Variants in CSMD3 observed in about 807,000 individuals in gnomAD.
The protein encoded by CSMD3 is CUB and Sushi multiple domains 3.
In CSMD3, 177 loss-of-function variants were observed where a neutral mutation model predicts 435.2. The observed-to-expected ratio is 0.41, with a 90% CI of 0.36 to 0.46. The LOEUF (loss-of-function observed/expected upper bound fraction) is 0.46, where lower values mean the gene tolerates loss of function less well. Ranked by LOEUF, CSMD3 falls within the 20% of genes least tolerant of loss-of-function variation. The probability of loss-of-function intolerance (pLI) is 0.34; values close to 1 mark genes in which losing one functional copy is unlikely to be tolerated. For missense variants in CSMD3, 4,265 were observed against 4,504.6 expected, an observed-to-expected ratio of 0.95 and a Z score of 1.52; for synonymous variants, 1,656 against 1,520.5, an observed-to-expected ratio of 1.09 and a Z score of -2.07.
rs555420174 is a variant in CSMD3 at position 112,409,945 on chromosome 8, A to G, written c.5396-913T>C. Among the ~76,000 whole-genome samples the G allele has an allele frequency of 2.4e-4, 37 of 152,144 alleles. No homozygotes were observed. In the East Asian group the frequency reaches 6.9e-3, roughly 29 times the overall value. ...AGAGTATAATTTTAATGAAAATTTAATAATGCCAAAGCAAGGTCACTTTTA... is the reference window on the plus strand; with the variant it reads ...AGAGTATAATTTTAATGAAAATTTAGTAATGCCAAAGCAAGGTCACTTTTA... On this transcript the variant is annotated intron_variant, in intron 32 of 70. Transcript: ENST00000297405.
chr8:112,398,629 T>G (rs767717726), intron 35 of CSMD3, among the ~76,000 whole-genome samples: 1 of 152,148 alleles, frequency 6.6e-6, no homozygotes, highest in Non-Finnish European at 1.5e-5. Context: ...ACTATCCCTA[T>G]GTAGCCAAGC....
intron 10 of CSMD3, among the ~76,000 whole-genome samples, chr8:112,919,164 CAT>C (rs2082658534): frequency 6.6e-6 from 1 of 151,808 alleles, no homozygotes; most frequent in African/African-American, 2.4e-5. Context: ...ATAATATCAA[CAT>C]ATGAATCTTG....
chr8:112,299,934 C>T (rs1045938212), intron 53 of CSMD3, among the ~76,000 whole-genome samples: 2 of 151,408 alleles, frequency 1.3e-5, no homozygotes. Flanking sequence ...AGAACAGAAT[C>T]AAGATTCTAA....
At position 113,194,735 on chromosome 8, in the gene CSMD3, G is replaced by A. The variant is rs148449799; in HGVS notation, c.515-20819C>T. The stretch of plus-strand genomic sequence containing the variant: ...AAAAGTAAAGTTTTTTAAATTTTTC[G>A]AAAAAACCCCTCAAACATAATAGTT... On this transcript the variant is annotated intron_variant, in intron 3 of 70. Transcript: ENST00000297405. Among the ~76,000 whole-genome samples the A allele has an allele frequency of 6.9e-4, 104 of 150,856 alleles. No individual in the cohort carries two copies. In the Middle Eastern group the frequency reaches 0.01, roughly 15 times the overall value.
intron 4 of CSMD3, among the ~76,000 whole-genome samples, chr8:113,158,525 A>T (rs1422394245): frequency 6.6e-6 from 1 of 152,120 alleles, no homozygotes; most frequent in African/African-American, 2.4e-5. Context: ...TTCAGCTTGC[A>T]AGAATTTCTT....
At chr8:113,399,106 T>TATATATATATAC (rs773585004) in intron 1 of CSMD3, among the ~76,000 whole-genome samples, 1,009 of 94,940 alleles carry the variant, frequency 0.011, 18 homozygotes, top group African/African-American at 0.026. Flanking sequence ...TATATATATA[T>TATATATATATAC]ACACACACAC....
intron 35 of CSMD3, among the ~76,000 whole-genome samples, chr8:112,404,622 T>C (rs1383281889): frequency 6.6e-6 from 1 of 152,162 alleles, no homozygotes; most frequent in African/African-American, 2.4e-5. Flanking sequence ...TGTTATTTCA[T>C]AATTTAAAAT....
At chr8:113,264,031 T>C (rs531581428) in intron 3 of CSMD3, among the ~76,000 whole-genome samples, 1 of 151,422 alleles carries the variant, frequency 6.6e-6, no homozygotes, top group African/African-American at 2.4e-5. Flanking sequence ...CTTAAAATGA[T>C]ATAGTAAAAA....
At chr8:113,237,395 G>A (rs1489889270) in intron 3 of CSMD3, among the ~76,000 whole-genome samples, 2 of 152,178 alleles carry the variant, frequency 1.3e-5, no homozygotes, top group African/African-American at 4.8e-5. Flanking sequence ...TTGGTATAAT[G>A]CTCTGAAATT....
At chr8:112,649,631 T>C (rs1024030817) in intron 19 of CSMD3, among the ~76,000 whole-genome samples, 6 of 152,200 alleles carry the variant, frequency 3.9e-5, no homozygotes, top group African/African-American at 4.8e-5. Context: ...TTCTGACTTA[T>C]TCTCATAGAA....
chr8:113,396,507 T>C (rs1053703891), intron 1 of CSMD3, among the ~76,000 whole-genome samples: 5 of 152,154 alleles, frequency 3.3e-5, no homozygotes, highest in African/African-American at 1.2e-4. Flanking sequence ...TAACTTACAT[T>C]CCATTTATTC....
At chr8:112,694,639 A>C (rs2076212238) in intron 13 of CSMD3, among the ~76,000 whole-genome samples, 1 of 152,160 alleles carries the variant, frequency 6.6e-6, no homozygotes, top group Non-Finnish European at 1.5e-5. Context: ...ACATGCACCT[A>C]GTATGTAACA....
At chr8:113,310,166 C>T (rs2093856494) in intron 2 of CSMD3, 3 of 151,986 alleles carry the variant, frequency 2.0e-5, no homozygotes, top group African/African-American at 2.4e-5. Flanking sequence ...TATACTACTA[C>T]GTTGGTTATT....
chr8:112,984,716 C>G (rs1441299589), intron 6 of CSMD3, among the ~76,000 whole-genome samples: 1 of 152,054 alleles, frequency 6.6e-6, no homozygotes, highest in African/African-American at 2.4e-5. Flanking sequence ...AGAGATTCAA[C>G]AAACTACTTC....
chr8:113,126,505 G>A (rs1424978874), intron 4 of CSMD3, among the ~76,000 whole-genome samples: 3 of 151,906 alleles, frequency 2.0e-5, no homozygotes, highest in Admixed American at 2.0e-4. Context: ...TAAAGTTGAT[G>A]TTAAAAGAAT....
At chr8:112,352,662 A>C in intron 38 of CSMD3, 128 bp from the exon 39 acceptor site, 2 of 802,502 alleles carry the variant, frequency 2.5e-6, no homozygotes, top group Admixed American at 3.7e-5. Flanking sequence ...GACGTTGAGA[A>C]CGTTCTGTGA....
intron 48 of CSMD3, 77 bp downstream of exon 48, chr8:112,314,352 A>G: frequency 9.3e-7 from 1 of 1,078,448 alleles, no homozygotes; most frequent in Non-Finnish European, 1.4e-6. Flanking sequence ...GCAGCTGTTT[A>G]TACTCAAAGT....
At chr8:112,265,345 G>A (rs1358172806) in intron 60 of CSMD3, 66 bp downstream of exon 60, 2 of 1,208,284 alleles carry the variant, frequency 1.7e-6, no homozygotes, top group Admixed American at 2.0e-5. Flanking sequence ...CTTTAAATTT[G>A]TATATAAAAA....
chr8:112,704,001 T>C (rs1374752725), intron 13 of CSMD3, among the ~76,000 whole-genome samples: 1 of 152,088 alleles, frequency 6.6e-6, no homozygotes, highest in African/African-American at 2.4e-5. Context: ...ATATGCAAAA[T>C]TTAGAATGGC....
Sources: gnomAD v4.1 joint callset for allele counts (sites outside exome capture counted in the v4.1 genomes callset) on GRCh38, gnomAD v4.1.1 for gene constraint, MANE v1.5 for transcripts, NCBI Gene and HGNC (gene_info 2026-07-23, HGNC 2026-07-21) for gene names.